The following CLEC7A variants were observed in gnomAD, a reference collection of about 807,000 sequenced individuals.
CLEC7A encodes C-type lectin domain family 7 member A.
CLEC7A carries 25 observed loss-of-function variants against 26.9 expected under a neutral mutation model. The observed-to-expected ratio is 0.93, with a 90% confidence interval of 0.68 to 1.30. The LOEUF (loss-of-function observed/expected upper bound fraction) is 1.30. Among genes scored for constraint, CLEC7A ranks in the 50% most tolerant of loss-of-function variants. CLEC7A has a pLI of 0.00. For synonymous variants in CLEC7A, 100 were observed against 99.5 expected (o/e 1.01, Z -0.03); for missense variants, 275 against 286.7 (o/e 0.96, Z 0.29).
At chr12:10,118,653 G>A (rs747951840) in intron 5 of CLEC7A, 63 bp from the exon 6 acceptor site, 23 of 1,388,236 alleles carry the variant, frequency 1.7e-5, no homozygotes, top group East Asian at 7.1e-5. Flanking sequence ...TCTACATGGC[G>A]CACAAATAAA....
chr12:10,123,737 C>T lies in CLEC7A; in HGVS notation c.493-374G>A, dbSNP rs368118513. ...GATTGCGCCACTGCAGTCCGCAGTC[C>T]GGCCTGGGCGACAGAGCGAGACTCC... On this transcript the variant is annotated intron_variant, in intron 4 of 5. Transcript: ENST00000304084. Among the ~76,000 whole-genome samples, 9 of 128,356 alleles carry T rather than the reference C, an allele frequency of 7.0e-5. 1 individual carries two copies. The highest frequency in any genetic ancestry group is 2.1e-4 in the East Asian group (1 of 4,854). 84.2% of individuals were successfully genotyped at this position (128,356 alleles called of 152,430 possible). A position where few individuals can be genotyped will look rare whatever the true frequency, so the allele number is the denominator to read the frequency against.
chr12:10,120,567 G>T (rs12829123), intron 5 of CLEC7A, among the ~76,000 whole-genome samples: 6 of 150,890 alleles, frequency 4.0e-5, no homozygotes, highest in Admixed American at 2.0e-4. Context: ...AAATCTGTGC[G>T]CCACCTTGTC....
chr12:10,126,915 A>T lies in CLEC7A; in HGVS notation c.203-207T>A. 2.7e-5 allele frequency: 7 copies of T among 255,608 alleles called. No homozygotes were observed. In the East Asian group the frequency reaches 7.5e-4, roughly 27 times the overall value. 15.8% of individuals were successfully genotyped at this position (255,608 alleles called of 1,614,324 possible). ...ATAACTTTTATAAAGGAGGTATAGT[A>T]AAAAAAAAAAAAGAAAAGAAAAAAG... On this transcript the variant is annotated intron_variant, in intron 2 of 5. Coordinates refer to ENST00000304084, the MANE Select transcript of CLEC7A (RefSeq NM_197947.3).
chr12:10,128,207 AACACACAC>A lies in CLEC7A; in HGVS notation c.104-370_104-363del, dbSNP rs71860807. ...AGGCAAAAAAGTGATACCCTGTTAA[AACACACAC>A]ACACACACACACACACACACACACA... On this transcript the variant is annotated intron_variant, in intron 1 of 5. Coordinates refer to ENST00000304084, the MANE Select transcript of CLEC7A (RefSeq NM_197947.3). Among the ~76,000 whole-genome samples, 1,062 of 132,660 alleles carry A rather than the reference AACACACAC, an allele frequency of 8.0e-3. 8 individuals are homozygous for A. The highest frequency in any genetic ancestry group is 0.03 in the Middle Eastern group (8 of 266). 87.0% of individuals were successfully genotyped at this position (132,660 alleles called of 152,430 possible). A position where few individuals can be genotyped will look rare whatever the true frequency, so the allele number is the denominator to read the frequency against.
At chr12:10,125,607 G>A (rs979123396) in intron 3 of CLEC7A, among the ~76,000 whole-genome samples, 159 bp from the exon 4 acceptor site, 2 of 152,148 alleles carry the variant, frequency 1.3e-5, no homozygotes, top group Non-Finnish European at 1.5e-5. Context: ...TTTTACAGAT[G>A]AGAATACATT....
chr12:10,121,368 C>T (rs1948080069), intron 5 of CLEC7A, among the ~76,000 whole-genome samples: 1 of 152,014 alleles, frequency 6.6e-6, no homozygotes, highest in East Asian at 1.9e-4. Context: ...CTTTATGTGC[C>T]TGATAACACG....
chr12:10,127,793 G>T lies in CLEC7A; in HGVS notation c.156C>A (p.Ile52=). ...CTATCACCAGTATTACCAAGCATAG[G>T]ATTCCCAAAATTACAGCAATGAGGC... ...PWRLIAVILG[I]LCLVILVIAV... Residue 52 remains isoleucine (I), a synonymous_variant, in exon 2 of 6, where the codon ATC becomes ATA. Coordinates refer to ENST00000304084, the MANE Select transcript of CLEC7A (RefSeq NM_197947.3). 6.3e-7 allele frequency: 1 copy of T among 1,587,736 alleles called. No individual in the cohort carries two copies. The highest frequency in any genetic ancestry group is 8.6e-7 in the Non-Finnish European group (1 of 1,166,060).
intron 5 of CLEC7A, among the ~76,000 whole-genome samples, chr12:10,121,916 G>A (rs1345700872): frequency 1.3e-5 from 2 of 152,186 alleles, no homozygotes; most frequent in East Asian, 3.9e-4. Flanking sequence ...GCTGAGGCAG[G>A]AGAATGGCGT....
In CLEC7A at chr12:10,126,843, G is replaced by T. The variant is rs779745835; in HGVS notation, c.203-135C>A. 399 of 721,204 alleles carry T rather than the reference G, an allele frequency of 5.5e-4. 1 individual carries two copies. The highest frequency in any genetic ancestry group is 7.8e-4 in the Non-Finnish European group (358 of 461,128). 44.7% of individuals were successfully genotyped at this position (721,204 alleles called of 1,614,324 possible). A position where few individuals can be genotyped will look rare whatever the true frequency, so the allele number is the denominator to read the frequency against. On this transcript the variant is annotated intron_variant, in intron 2 of 5. Coordinates refer to ENST00000304084, the MANE Select transcript of CLEC7A (RefSeq NM_197947.3). ...ATTAATGATAAATAGATGATATATT[G>T]CTGTGGAGAGATAAAGACGATTGAT...
chr12:10,124,130 G>C (rs1203014777), intron 4 of CLEC7A, among the ~76,000 whole-genome samples: 2 of 152,220 alleles, frequency 1.3e-5, no homozygotes, highest in Admixed American at 6.5e-5. Context: ...CTGAGGTTCA[G>C]TGAAGATATC....
In CLEC7A at chr12:10,127,777, G is replaced by T; in HGVS notation, c.172C>A (p.Leu58Met). ...VILGILCLVILVIAVVLGTMA... is the reference protein window; with the variant it reads ...VILGILCLVIMVIAVVLGTMA... ...GTACCCAGGACCACAGCTATCACCA[G>T]TATTACCAAGCATAGGATTCCCAAA... Residue 58 changes from leucine (L) to methionine (M), a missense_variant, in exon 2 of 6, where the codon CTG becomes ATG. Leu to Met is a conservative substitution (Grantham distance 15, BLOSUM62 2). Coordinates refer to ENST00000304084, the MANE Select transcript of CLEC7A (RefSeq NM_197947.3). 6.3e-7 allele frequency: 1 copy of T among 1,590,596 alleles called. No homozygotes were observed. The highest frequency in any genetic ancestry group is 8.6e-7 in the Non-Finnish European group (1 of 1,167,424).
chr12:10,127,206 C>G, intron 2 of CLEC7A: 1 of 1,151,960 alleles, frequency 8.7e-7, no homozygotes, highest in Non-Finnish European at 1.2e-6. Flanking sequence ...AAATATTAAT[C>G]CATTACAAAA....
At chr12:10,127,260 C>CATTAAA in intron 2 of CLEC7A, 1 of 1,420,306 alleles carries the variant, frequency 7.0e-7, no homozygotes. Context: ...CTGGTGTATT[C>CATTAAA]AAAGGTGTTT....
chr12:10,123,346 T>C lies in CLEC7A; in HGVS notation c.510A>G (p.Gln170=). The change falls in exon 5 of 6, where the codon CAA becomes CAG. Residue 170 remains glutamine (Q), a synonymous_variant. Coordinates refer to ENST00000304084, the MANE Select transcript of CLEC7A (RefSeq NM_197947.3). ...ATGAATTATCAGGTTGGGAAGACACTTGTTTTACTATAAATCCCTGTAATG... is the reference window on the plus strand; with the variant it reads ...ATGAATTATCAGGTTGGGAAGACACCTGTTTTACTATAAATCCCTGTAATG... ...SSNELGFIVK[Q]VSSQPDNSFW... 1 of 1,598,784 alleles carries C rather than the reference T, an allele frequency of 6.3e-7. No homozygotes were observed. Among genetic ancestry groups the C allele is most frequent in the Non-Finnish European group, 8.6e-7 (1 of 1,166,088 alleles).
In CLEC7A at chr12:10,125,420, A is replaced by G. The variant is rs140932713; in HGVS notation, c.369T>C (p.Asn123=). The change falls in exon 4 of 6, where the codon AAT becomes AAC. Residue 123 remains asparagine, a synonymous_variant. Transcript: ENST00000304084. The part of the protein sequence containing the change: ...TGVLSSPCPP[N]WIIYEKSCYL... ...AACAGCTCTTCTCATATATAATCCA[A>G]TTAGGAGGACAAGGGCTGGAAAGAA... 1.7e-4 allele frequency: 267 copies of G among 1,612,982 alleles called. No homozygotes were observed. The African/African-American group carries it at 2.6e-3, about 15-fold the overall frequency.
intron 4 of CLEC7A, among the ~76,000 whole-genome samples, chr12:10,124,005 T>C (rs1296668413): frequency 2.0e-5 from 3 of 152,030 alleles, no homozygotes. Context: ...AGCCATTGTC[T>C]TCTCCTCCAA....
At chr12:10,127,033 C>A in intron 2 of CLEC7A, 1 of 1,393,864 alleles carries the variant, frequency 7.2e-7, no homozygotes, top group Non-Finnish European at 9.4e-7. Context: ...ATAGCAACAT[C>A]TTTCACCTTT....
At chr12:10,127,367 A>C (rs768552452) in intron 2 of CLEC7A, 11 of 1,601,370 alleles carry the variant, frequency 6.9e-6, no homozygotes, top group Non-Finnish European at 8.5e-6. Context: ...AGACAGCACC[A>C]TATTGTACTT....
At chr12:10,127,914 T>C in intron 1 of CLEC7A, 69 bp from the exon 2 acceptor site, 2 of 1,106,190 alleles carry the variant, frequency 1.8e-6, no homozygotes, top group South Asian at 3.2e-5. Flanking sequence ...AGTTTAATTC[T>C]ACAGTTCATC....
Sources: allele counts gnomAD v4.1 joint callset (sites outside exome capture counted in the v4.1 genomes callset), GRCh38; gene constraint gnomAD v4.1.1; transcripts MANE v1.5; gene names NCBI Gene and HGNC (gene_info 2026-07-23, HGNC 2026-07-21).